Variants in TACC2 observed in about 807,000 individuals in gnomAD.
TACC2 encodes the protein transforming acidic coiled-coil-containing protein 2.
Under a neutral mutation model 227.3 loss-of-function variants are expected in TACC2, and 137 were observed. The observed-to-expected ratio is 0.60, with a 90% CI of 0.52 to 0.69. TACC2 has a LOEUF of 0.69. Among genes scored for constraint, TACC2 ranks in the 30% least tolerant of loss-of-function variants. The probability of loss-of-function intolerance (pLI) is 0.00; values close to 1 mark genes in which losing one functional copy is unlikely to be tolerated. For missense variants in TACC2, 3,470 were observed against 3,694.4 expected (o/e 0.94, Z 1.57); for synonymous variants, 1,523 against 1,487.5 (o/e 1.02, Z -0.55).
intron 7 of TACC2, among the ~76,000 whole-genome samples, chr10:122,181,214 A>G (rs1381899556): frequency 6.6e-6 from 1 of 152,210 alleles, no homozygotes; most frequent in African/African-American, 2.4e-5. Context: ...CAGCCACTTT[A>G]GCAGTATGTG....
chr10:122,038,129 G>A (rs1960994623), intron 2 of TACC2, among the ~76,000 whole-genome samples: 1 of 152,126 alleles, frequency 6.6e-6, no homozygotes. Flanking sequence ...GTGTGGTGGT[G>A]TGCACCTGTG....
chr10:122,139,374 C>T (rs1233119050), intron 6 of TACC2, among the ~76,000 whole-genome samples: 2 of 152,222 alleles, frequency 1.3e-5, no homozygotes, highest in Non-Finnish European at 2.9e-5. Flanking sequence ...TGGTGGATCT[C>T]ACCAACGACC....
At chr10:122,246,037 GT>G (rs1235599894) in intron 19 of TACC2, among the ~76,000 whole-genome samples, 1 of 152,068 alleles carries the variant, frequency 6.6e-6, no homozygotes, top group Non-Finnish European at 1.5e-5. Flanking sequence ...CGCTCTAGGA[GT>G]CCCACGATCG....
intron 1 of TACC2, among the ~76,000 whole-genome samples, chr10:122,008,243 T>TTTGTTA (rs1305194924): frequency 1.1e-3 from 59 of 53,708 alleles, no homozygotes; most frequent in Non-Finnish European, 1.4e-3. Context: ...TGTCTATCCC[T>TTTGTTA]TTGTTATTAT....
chr10:122,176,117 C>CTCTCTCTCTCTATATA (rs1447382017), intron 7 of TACC2, among the ~76,000 whole-genome samples: 2 of 54,644 alleles, frequency 3.7e-5, no homozygotes, highest in African/African-American at 7.0e-5. Context: ...CTCTCTCTCT[C>CTCTCTCTCTCTATATA]TATATATATA....
intron 1 of TACC2, among the ~76,000 whole-genome samples, chr10:122,003,744 C>T (rs1288970957): frequency 1.3e-5 from 2 of 152,038 alleles, no homozygotes; most frequent in African/African-American, 4.8e-5. Context: ...CGAGCTCTGC[C>T]TCCCGGGTTC....
Position 122,087,329 on chromosome 10 carries a change from A to T in TACC2, c.4829A>T (p.His1610Leu). 1 of 1,614,034 alleles carries T rather than the reference A, an allele frequency of 6.2e-7. No homozygotes were observed. The highest frequency in any genetic ancestry group is 8.5e-7 in the Non-Finnish European group (1 of 1,180,028). Residue 1610 changes from histidine to leucine, a missense_variant, in exon 4 of 23, where the codon CAT (histidine) becomes CTT (leucine). By Grantham distance (99) the His-to-Leu change is moderately conservative (BLOSUM62 -3). This residue lies in a region of TACC2 where 1,924 missense variants were observed against 1,978.3 expected (regional missense o/e 0.97). Coordinates refer to ENST00000369005, the MANE Select transcript of TACC2 (RefSeq NM_206862.4). ...HQETSACDSPHGEDGPGDFAH... is the reference protein window; with the variant it reads ...HQETSACDSPLGEDGPGDFAH... ...GAAACATCTGCCTGCGACAGTCCAC[A>T]TGGAGAAGATGGTCCCGGGGACTTT...
chr10:122,053,029 T>C (rs1051106816), intron 3 of TACC2, among the ~76,000 whole-genome samples: 8 of 152,194 alleles, frequency 5.3e-5, no homozygotes, highest in African/African-American at 1.9e-4. Context: ...ATCATTGCAT[T>C]TTTTTTAAAA....
At chr10:122,249,308 C>G (rs919932812) in intron 21 of TACC2, 152 bp downstream of exon 21, 2 of 730,518 alleles carry the variant, frequency 2.7e-6, no homozygotes, top group Non-Finnish European at 4.6e-6. Flanking sequence ...AGAAGGCACA[C>G]AGTTAGCATC....
At chr10:122,045,501 A>C (rs1024442264) in intron 2 of TACC2, among the ~76,000 whole-genome samples, 3 of 152,224 alleles carry the variant, frequency 2.0e-5, no homozygotes, top group African/African-American at 4.8e-5. Flanking sequence ...GAATGAGTTT[A>C]AATATGTAAA....
Position 122,237,510 on chromosome 10 carries a change from ACTCT to A in TACC2, c.8244_8247del (p.Asp2748GlufsTer11). Reference sequence around the variant, plus strand: ...CTTCTGTTCCAGCAGCCCGACCTGGACTCTGCCCTCCAGATCGCCAGAGCAGAGG... The same window carrying A: ...CTTCTGTTCCAGCAGCCCGACCTGGAGCCCTCCAGATCGCCAGAGCAGAGG... On this transcript the variant is annotated frameshift_variant, in exon 17 of 23. Coordinates refer to ENST00000369005, the MANE Select transcript of TACC2 (RefSeq NM_206862.4). LOFTEE classifies it high-confidence loss of function. 1 of 1,613,728 alleles carries A rather than the reference ACTCT, an allele frequency of 6.2e-7. No individual in the cohort carries two copies. The highest frequency in any genetic ancestry group is 8.5e-7 in the Non-Finnish European group (1 of 1,179,836).
intron 3 of TACC2, among the ~76,000 whole-genome samples, chr10:122,059,163 G>A (rs1224282252): frequency 2.0e-5 from 3 of 151,444 alleles, no homozygotes; most frequent in East Asian, 1.9e-4. Flanking sequence ...TGATCCGCCC[G>A]CCTCAGCCTC....
At chr10:122,182,357 C>T (rs551699006) in intron 7 of TACC2, among the ~76,000 whole-genome samples, 3 of 152,292 alleles carry the variant, frequency 2.0e-5, no homozygotes, top group African/African-American at 7.2e-5. Flanking sequence ...GCATGTTATC[C>T]ATGGCAGGGA....
chr10:122,123,265 A>C (rs1402359198), intron 5 of TACC2, among the ~76,000 whole-genome samples: 1 of 152,098 alleles, frequency 6.6e-6, no homozygotes, highest in Non-Finnish European at 1.5e-5. Context: ...TCGGCCTCCC[A>C]AAGTGCTGGG....
Position 122,211,139 on chromosome 10 carries a change from G to A in TACC2, c.6714G>A (p.Thr2238=), listed in dbSNP as rs759031402. Residue 2238 remains threonine, a synonymous_variant, in exon 9 of 23, where the codon ACG becomes ACA. Transcript: ENST00000369005. ...PVGRKTLPLT[T]APEAGEVTPS... is the part of the protein sequence containing the mutation. The stretch of plus-strand genomic sequence containing the variant: ...GGAGGAAAACGCTGCCTCTTACCAC[G>A]GCCCCGGAGGCAGGGGAGGTAACCC... The A allele has an allele frequency of 2.5e-6, 4 of 1,608,390 alleles. No individual in the cohort carries two copies. The highest frequency in any genetic ancestry group is 1.7e-5 in the Admixed American group (1 of 58,922).
At chr10:122,132,047 A>AG (rs2088281966) in intron 5 of TACC2, among the ~76,000 whole-genome samples, 4 of 1,092 alleles carry the variant, frequency 3.7e-3, no homozygotes, top group Admixed American at 0.015. Flanking sequence ...AAAGAAAGAA[A>AG]GAAAGAAAGA....
At chr10:122,062,025 C>CTTTTTTTTTT (rs140523380) in intron 3 of TACC2, among the ~76,000 whole-genome samples, 1 of 63,968 alleles carries the variant, frequency 1.6e-5, no homozygotes, top group Non-Finnish European at 2.7e-5. Flanking sequence ...GTCAGAGCGG[C>CTTTTTTTTTT]TTTTTTTTTT....
rs141529321 is a variant in TACC2, at chr10:122,077,888, C to T, written c.147-4759C>T. Among the ~76,000 whole-genome samples the T allele has an allele frequency of 3.2e-3, 494 of 152,008 alleles. 3 individuals are homozygous for T. Among genetic ancestry groups the T allele is most frequent in the African/African-American group, 0.011 (458 of 41,468 alleles). ...CTACCAGGCTGTTGTGTGGATTAAGCGCAATCGTAACTGAAAAGTGCCCAG... is the reference window on the plus strand; with the variant it reads ...CTACCAGGCTGTTGTGTGGATTAAGTGCAATCGTAACTGAAAAGTGCCCAG... On this transcript the variant is annotated intron_variant, in intron 3 of 22. Transcript: ENST00000369005.
At chr10:122,227,757 A>G in intron 13 of TACC2, 80 bp from the exon 14 acceptor site, 3 of 1,457,470 alleles carry the variant, frequency 2.1e-6, no homozygotes, top group Non-Finnish European at 2.8e-6. Flanking sequence ...TGTGATATTG[A>G]CTTGGTCAGG....
Sources: allele counts gnomAD v4.1 joint callset (sites outside exome capture counted in the v4.1 genomes callset), GRCh38; gene constraint gnomAD v4.1.1; regional missense constraint gnomAD v4.1.1; transcripts MANE v1.5; gene names NCBI Gene and HGNC (gene_info 2026-07-23, HGNC 2026-07-21).